Variants in DOK5 observed in about 807,000 individuals in gnomAD.
The protein encoded by DOK5 is downstream of tyrosine kinase 5.
In DOK5, 27 loss-of-function variants were observed where a neutral mutation model predicts 43.3. The ratio of observed to expected loss-of-function variants is 0.62; its 90% CI spans 0.46 to 0.86. The LOEUF (loss-of-function observed/expected upper bound fraction) is 0.86. Among genes scored for constraint, DOK5 ranks in the 40% least tolerant of loss-of-function variants. The pLI, the probability that DOK5 is intolerant of heterozygous loss-of-function variation, is 0.00. For synonymous variants in DOK5, 146 were observed against 140.1 expected, an observed-to-expected ratio of 1.04 and a Z score of -0.30; for missense variants, 373 against 392.9, an observed-to-expected ratio of 0.95 and a Z score of 0.43.
chr20:54,623,103 C>T (rs1290994902), intron 6 of DOK5, among the ~76,000 whole-genome samples: 1 of 152,080 alleles, frequency 6.6e-6, no homozygotes, highest in Non-Finnish European at 1.5e-5. Context: ...CGTAGTCACC[C>T]TAAAACAGCG....
At chr20:54,625,120 C>T (rs528490526) in intron 6 of DOK5, among the ~76,000 whole-genome samples, 5 of 152,124 alleles carry the variant, frequency 3.3e-5, no homozygotes, top group Non-Finnish European at 5.9e-5. Context: ...CACTTTTCCT[C>T]CAAATGTCAG....
In DOK5 at chr20:54,514,904, CCTT is replaced by C. The variant is rs559817696; in HGVS notation, c.66+38898_66+38900del. Reference sequence around the variant, plus strand: ...CCTTCCATCCTTCTTTCCGTCCCTCCCTTCTTCTCTTCTTCCTTCCTTCATTTC... The same window carrying C: ...CCTTCCATCCTTCTTTCCGTCCCTCCCTTCTCTTCTTCCTTCCTTCATTTC... On this transcript the variant is annotated intron_variant, in intron 1 of 7. Transcript: ENST00000262593. Among the ~76,000 whole-genome samples the C allele has an allele frequency of 2.5e-4, 38 of 151,876 alleles. No homozygotes were observed. In the South Asian group the frequency reaches 5.0e-3, roughly 20 times the overall value.
chr20:54,510,620 C>T (rs746687568), intron 1 of DOK5, among the ~76,000 whole-genome samples: 3 of 152,036 alleles, frequency 2.0e-5, no homozygotes, highest in African/African-American at 7.2e-5. Flanking sequence ...GATCCCATGG[C>T]CTAGTTTTGG....
At chr20:54,478,230 A>T (rs1981512739) in intron 1 of DOK5, among the ~76,000 whole-genome samples, 1 of 152,230 alleles carries the variant, frequency 6.6e-6, no homozygotes, top group Non-Finnish European at 1.5e-5. Flanking sequence ...GGCTGATTAC[A>T]TAGTTGCCAG....
At position 54,598,855 on chromosome 20, in the gene DOK5, T is replaced by G. The variant is rs1341577499; in HGVS notation, c.599+7050T>G. 1.3e-5 allele frequency among the ~76,000 whole-genome samples: 2 copies of G among 152,222 alleles called. 1 individual carries two copies. Among genetic ancestry groups the G allele is most frequent in the South Asian group, 4.1e-4 (2 of 4,836 alleles). ...TTATTTATTTGGATATGAAGGCATC[T>G]GAACAGCTTTAGAAAATAATTTGTT... is the stretch of plus-strand genomic sequence containing the variant. On this transcript the variant is annotated intron_variant, in intron 5 of 7. Coordinates refer to ENST00000262593, the MANE Select transcript of DOK5 (RefSeq NM_018431.5).
intron 1 of DOK5, among the ~76,000 whole-genome samples, chr20:54,497,954 T>C (rs556993033): frequency 1.3e-5 from 2 of 152,346 alleles, no homozygotes; most frequent in African/African-American, 4.8e-5. Context: ...GTGATTTCTT[T>C]TAGTGAATCT....
intron 2 of DOK5, 131 bp from the exon 3 acceptor site, chr20:54,588,352 T>C (rs953245659): frequency 2.9e-6 from 2 of 691,096 alleles, no homozygotes; most frequent in African/African-American, 1.8e-5. Flanking sequence ...AGCTTTCAGA[T>C]GTAGATACTT....
Position 54,644,711 on chromosome 20 carries a change from A to AAAAAAAAAAAAAAAC in DOK5, c.856+1146_856+1147insACAAAAAAAAAAAAA, listed in dbSNP as rs1555839784. On this transcript the variant is annotated intron_variant, in intron 7 of 7. Transcript: ENST00000262593. ...ACAGAGAGAGACTCCGTCTCAAAAAAAAAAAAAAAAAAACAAAATTTAGCT... is the reference window on the plus strand; with the variant it reads ...ACAGAGAGAGACTCCGTCTCAAAAAAAAAAAAAAAAAAAACAAAAAAAAAAAAACAAAATTTAGCT... 3.4e-3 allele frequency among the ~76,000 whole-genome samples: 133 copies of AAAAAAAAAAAAAAAC among 38,934 alleles called. 1 individual carries two copies. In the South Asian group the frequency reaches 0.06, roughly 18 times the overall value. 25.5% of individuals were successfully genotyped at this position (38,934 alleles called of 152,430 possible). A position where few individuals can be genotyped will look rare whatever the true frequency, so the allele number is the denominator to read the frequency against.
chr20:54,558,723 G>T (rs1256453190), intron 2 of DOK5, among the ~76,000 whole-genome samples: 1 of 152,100 alleles, frequency 6.6e-6, no homozygotes, highest in East Asian at 1.9e-4. Flanking sequence ...TGGTGTGGTG[G>T]ATGCAGACAT....
At chr20:54,559,717 G>A (rs1308907374) in intron 2 of DOK5, among the ~76,000 whole-genome samples, 3 of 152,144 alleles carry the variant, frequency 2.0e-5, no homozygotes, top group Non-Finnish European at 2.9e-5. Context: ...TGTTTTAATC[G>A]TGTGTTCCAT....
intron 6 of DOK5, among the ~76,000 whole-genome samples, chr20:54,632,642 T>C (rs911155913): frequency 2.0e-5 from 3 of 152,240 alleles, no homozygotes; most frequent in African/African-American, 7.2e-5. Context: ...TCAGATTTTG[T>C]GACTTTCACG....
intron 1 of DOK5, among the ~76,000 whole-genome samples, chr20:54,478,590 T>C (rs1981534667): frequency 6.6e-6 from 1 of 152,240 alleles, no homozygotes; most frequent in Non-Finnish European, 1.5e-5. Flanking sequence ...CGGTTTATAA[T>C]TAAATACAAA....
chr20:54,515,222 A>T (rs1010812449), intron 1 of DOK5, among the ~76,000 whole-genome samples: 1 of 152,160 alleles, frequency 6.6e-6, no homozygotes, highest in African/African-American at 2.4e-5. Context: ...TATGTTGGCC[A>T]GGCTGGTCTT....
intron 6 of DOK5, among the ~76,000 whole-genome samples, chr20:54,621,841 T>C (rs953010727): frequency 1.3e-5 from 2 of 152,148 alleles, no homozygotes; most frequent in Non-Finnish European, 2.9e-5. Flanking sequence ...GGCCACTGGC[T>C]CCGGTTCCCA....
chr20:54,487,102 A>G (rs1981966497), intron 1 of DOK5, among the ~76,000 whole-genome samples: 1 of 152,238 alleles, frequency 6.6e-6, no homozygotes, highest in South Asian at 2.1e-4. Flanking sequence ...AACTTTGATT[A>G]TAAGACTGGC....
chr20:54,578,326 A>G (rs1985521320), intron 2 of DOK5, among the ~76,000 whole-genome samples: 1 of 152,200 alleles, frequency 6.6e-6, no homozygotes, highest in Non-Finnish European at 1.5e-5. Flanking sequence ...TGACATTTTT[A>G]GTAAGCCGTA....
At chr20:54,523,339 G>A (rs1983476418) in intron 1 of DOK5, among the ~76,000 whole-genome samples, 1 of 152,078 alleles carries the variant, frequency 6.6e-6, no homozygotes, top group African/African-American at 2.4e-5. Flanking sequence ...GGCCAAGGTG[G>A]GTAGATTGCC....
In DOK5 at chr20:54,588,733, AG is replaced by A; in HGVS notation, c.338del (p.Gly113GlufsTer31). The A allele has an allele frequency of 6.2e-7, 1 of 1,614,118 alleles. No individual in the cohort carries two copies. Among genetic ancestry groups the A allele is most frequent in the Non-Finnish European group, 8.5e-7 (1 of 1,179,980 alleles). On this transcript the variant is annotated frameshift_variant, in exon 4 of 8. Coordinates refer to ENST00000262593, the MANE Select transcript of DOK5 (RefSeq NM_018431.5). LOFTEE classifies it high-confidence loss of function. ...GCAAAGTACTCCAGATGGAGTGTGT[AG>A]GAACACGGATCAATGACATCAGCCT... is the stretch of plus-strand genomic sequence containing the variant. ...WCKVLQMECV[G>X]TRINDISLGE...
intron 5 of DOK5, among the ~76,000 whole-genome samples, chr20:54,602,585 C>G (rs1287763363): frequency 1.3e-5 from 2 of 152,208 alleles, no homozygotes; most frequent in Non-Finnish European, 1.5e-5. Flanking sequence ...ATCTCTAAAA[C>G]TTTCTAATGT....
Sources: gnomAD v4.1 joint callset for allele counts (sites outside exome capture counted in the v4.1 genomes callset) on GRCh38, gnomAD v4.1.1 for gene constraint, MANE v1.5 for transcripts, NCBI Gene and HGNC (gene_info 2026-07-23, HGNC 2026-07-21) for gene names.